FILIP1L: variants seen among roughly 807,000 people sequenced by gnomAD.
FILIP1L encodes filamin A interacting protein 1 like, also known as filamin A-interacting protein 1-like.
In FILIP1L, 55 loss-of-function variants were observed where a neutral mutation model predicts 96.6. That is an observed-to-expected ratio of 0.57 (90% confidence interval 0.46 to 0.71). FILIP1L has a LOEUF of 0.71. Among genes scored for constraint, FILIP1L ranks in the 30% least tolerant of loss-of-function variants. The probability of loss-of-function intolerance (pLI) is 0.00; values close to 1 mark genes in which losing one functional copy is unlikely to be tolerated. For synonymous variants in FILIP1L, 467 were observed against 473.9 expected, an observed-to-expected ratio of 0.99 and a Z score of 0.19; for missense variants, 1,304 against 1,321.2, an observed-to-expected ratio of 0.99 and a Z score of 0.20.
At chr3:100,094,944 T>C (rs1201009961) in intron 1 of FILIP1L, among the ~76,000 whole-genome samples, 1 of 152,088 alleles carries the variant, frequency 6.6e-6, no homozygotes, top group Non-Finnish European at 1.5e-5. Flanking sequence ...CGCCTCGGCC[T>C]CCCAAAGTGC....
chr3:99,855,248 A>G (rs1576516771), intron 4 of FILIP1L, among the ~76,000 whole-genome samples: 2 of 152,198 alleles, frequency 1.3e-5, no homozygotes, highest in Admixed American at 6.5e-5. Context: ...AAATCTGTCC[A>G]CATTTCTGGG....
chr3:100,024,765 A>G (rs780087362), intron 1 of FILIP1L, among the ~76,000 whole-genome samples: 15 of 152,246 alleles, frequency 9.9e-5, no homozygotes, highest in Non-Finnish European at 8.8e-5. Context: ...GAGCTCAGTT[A>G]CGGAGGCTTC....
chr3:99,837,439 GAA>G lies in FILIP1L; in HGVS notation c.3382-6836_3382-6835del, dbSNP rs200867964. ...GCTTTTTCTAGTTAAAGAGAAGAGAGAAAAAAAAAAAACAGCCAAACCACTAA... is the reference window on the plus strand; with the variant it reads ...GCTTTTTCTAGTTAAAGAGAAGAGAGAAAAAAAAAACAGCCAAACCACTAA... On this transcript the variant is annotated intron_variant, in intron 5 of 5. Coordinates refer to ENST00000477258, the MANE Select transcript of FILIP1L (RefSeq NM_001387850.1). 5.1e-3 allele frequency among the ~76,000 whole-genome samples: 691 copies of G among 135,854 alleles called. 5 individuals are homozygous for G. The highest frequency in any genetic ancestry group is 0.018 in the African/African-American group (672 of 37,018). The allele number at this position is 135,854 out of a possible 152,430, so 89.1% of individuals were successfully genotyped here.
At chr3:99,894,332 T>C (rs1238121454) in intron 4 of FILIP1L, among the ~76,000 whole-genome samples, 1 of 152,222 alleles carries the variant, frequency 6.6e-6, no homozygotes, top group African/African-American at 2.4e-5. Context: ...CATTTGTTCA[T>C]CTGTTGTGGG....
intron 4 of FILIP1L, among the ~76,000 whole-genome samples, chr3:99,889,113 T>C (rs1187859809): frequency 6.6e-6 from 1 of 152,164 alleles, no homozygotes; most frequent in Non-Finnish European, 1.5e-5. Flanking sequence ...TTTCTGTATA[T>C]AAATAAAGCT....
chr3:100,014,683 AT>A (rs1489154097), intron 1 of FILIP1L, among the ~76,000 whole-genome samples: 1 of 150,696 alleles, frequency 6.6e-6, no homozygotes, highest in Non-Finnish European at 1.5e-5. Flanking sequence ...TGGGTTGTTT[AT>A]TTTCTTGCTA....
intron 1 of FILIP1L, among the ~76,000 whole-genome samples, chr3:99,951,106 T>A (rs1180841658): frequency 6.6e-6 from 1 of 152,180 alleles, no homozygotes; most frequent in African/African-American, 2.4e-5. Context: ...CTATTTTCTC[T>A]CTCACTCATA....
At chr3:99,843,535 G>A (rs1236972417) in intron 5 of FILIP1L, among the ~76,000 whole-genome samples, 1 of 152,144 alleles carries the variant, frequency 6.6e-6, no homozygotes, top group African/African-American at 2.4e-5. Context: ...GATGCTTTTT[G>A]ACTTATGATG....
At chr3:99,846,360 C>G (rs908722409) in intron 5 of FILIP1L, among the ~76,000 whole-genome samples, 2 of 152,168 alleles carry the variant, frequency 1.3e-5, no homozygotes, top group Middle Eastern at 3.2e-3. Flanking sequence ...TTGATCGATG[C>G]CTTCCAAAAT....
intron 1 of FILIP1L, among the ~76,000 whole-genome samples, chr3:100,048,548 C>T (rs1469973667): frequency 6.6e-6 from 1 of 152,180 alleles, no homozygotes; most frequent in African/African-American, 2.4e-5. Context: ...TGTGACACAA[C>T]CCACCACACA....
At chr3:99,959,637 A>G (rs770421511) in intron 1 of FILIP1L, among the ~76,000 whole-genome samples, 3 of 152,212 alleles carry the variant, frequency 2.0e-5, no homozygotes, top group Non-Finnish European at 4.4e-5. Flanking sequence ...GTAGACCAAA[A>G]TGCTATAGCC....
intron 1 of FILIP1L, among the ~76,000 whole-genome samples, chr3:99,972,548 GC>G (rs1276224869): frequency 6.6e-6 from 1 of 152,156 alleles, no homozygotes; most frequent in East Asian, 1.9e-4. Flanking sequence ...GCTGTCTGCT[GC>G]TGGGCACAGC....
intron 1 of FILIP1L, among the ~76,000 whole-genome samples, chr3:99,962,335 C>T (rs1391294913): frequency 6.6e-6 from 1 of 152,050 alleles, no homozygotes; most frequent in Admixed American, 6.6e-5. Context: ...GGGCAGTCCT[C>T]ATCAGGAAGG....
chr3:99,974,461 G>A (rs1431535719), intron 1 of FILIP1L, among the ~76,000 whole-genome samples: 1 of 152,200 alleles, frequency 6.6e-6, no homozygotes, highest in African/African-American at 2.4e-5. Flanking sequence ...TGTAATCACA[G>A]CACTTTGGGA....
intron 1 of FILIP1L, among the ~76,000 whole-genome samples, chr3:100,037,447 A>C (rs1383577450): frequency 6.6e-6 from 1 of 152,032 alleles, no homozygotes; most frequent in Non-Finnish European, 1.5e-5. Context: ...AAACAAAGCA[A>C]ACAGACACAC....
At chr3:100,051,791 T>A (rs1436844089) in intron 1 of FILIP1L, among the ~76,000 whole-genome samples, 1 of 151,388 alleles carries the variant, frequency 6.6e-6, no homozygotes, top group Admixed American at 6.6e-5. Flanking sequence ...GTCTTTGCTA[T>A]TGTGAATAGT....
At chr3:100,023,537 A>C (rs537879832) in intron 1 of FILIP1L, 1 of 152,762 alleles carries the variant, frequency 6.5e-6, no homozygotes, top group East Asian at 1.9e-4. Context: ...GTGGTATGAG[A>C]CTAAAACAGT....
intron 1 of FILIP1L, among the ~76,000 whole-genome samples, chr3:99,988,277 C>G (rs1357560842): frequency 2.0e-5 from 3 of 147,260 alleles, no homozygotes; most frequent in Admixed American, 6.9e-5. Flanking sequence ...GCAGGCAAAT[C>G]ACGAGGTTGG....
At position 99,950,442 on chromosome 3, in the gene FILIP1L, G is replaced by T. The variant is rs146511804; in HGVS notation, c.-10-19412C>A. ...CCCAAAGCCACAAAGTTAATAAGTG[G>T]CAGGGCCATGATGCACATGTCCTAT... On this transcript the variant is annotated intron_variant, in intron 1 of 5. Coordinates refer to ENST00000477258, the MANE Select transcript of FILIP1L (RefSeq NM_001387850.1). Among the ~76,000 whole-genome samples the T allele has an allele frequency of 3.8e-3, 575 of 152,270 alleles. 3 individuals carry two copies. The highest frequency in any genetic ancestry group is 0.013 in the African/African-American group (546 of 41,546).
Sources: allele counts gnomAD v4.1 joint callset (sites outside exome capture counted in the v4.1 genomes callset), GRCh38; gene constraint gnomAD v4.1.1; transcripts MANE v1.5; gene names NCBI Gene and HGNC (gene_info 2026-07-23, HGNC 2026-07-21).